MMP26: variants seen among roughly 807,000 people sequenced by gnomAD.
MMP26 encodes matrix metallopeptidase 26.
MMP26 carries 33 observed loss-of-function variants against 31.0 expected under a neutral mutation model. That is an observed-to-expected ratio of 1.06 (90% CI 0.81 to 1.42). The LOEUF (loss-of-function observed/expected upper bound fraction) is 1.42, where lower values mean the gene tolerates loss of function less well. Among genes scored for constraint, MMP26 ranks in the 40% most tolerant of loss-of-function variants. The pLI is 0.00. For missense variants in MMP26, 347 were observed against 316.1 expected (o/e 1.10, Z -0.74); for synonymous variants, 122 against 114.9 (o/e 1.06, Z -0.40).
intron 2 of MMP26, among the ~76,000 whole-genome samples, chr11:4,910,943 C>T (rs749168269): frequency 8.5e-5 from 13 of 152,136 alleles, no homozygotes; most frequent in South Asian, 2.1e-4. Flanking sequence ...ATAATCACAC[C>T]TTCAGGCAGT....
chr11:4,966,729 T>C (rs1264638043), intron 2 of MMP26, among the ~76,000 whole-genome samples: 1 of 152,226 alleles, frequency 6.6e-6, no homozygotes, highest in African/African-American at 2.4e-5. Flanking sequence ...TCTGTTACGA[T>C]GTTAGTCCAT....
At chr11:4,723,557 G>A (rs921958038) in intron 1 of MMP26, 9 of 1,185,448 alleles carry the variant, frequency 7.6e-6, no homozygotes, top group Non-Finnish European at 8.8e-6. Flanking sequence ...AGAGACTCCA[G>A]CTCTACCTTG....
intron 2 of MMP26, among the ~76,000 whole-genome samples, chr11:4,778,368 A>G (rs983046439): frequency 2.0e-5 from 3 of 151,952 alleles, no homozygotes; most frequent in Non-Finnish European, 4.4e-5. Context: ...TATCCAATAG[A>G]TCTGGTATTC....
intron 1 of MMP26, chr11:4,724,138 A>G (rs1434298503): frequency 5.0e-6 from 3 of 598,032 alleles, no homozygotes; most frequent in South Asian, 1.9e-5. Flanking sequence ...AGAGGTGGAC[A>G]CCTCGTAGGA....
rs138275262 is a variant in MMP26 at position 4,760,467 on chromosome 11, G to T, written c.-216-6803G>T. On this transcript the variant is annotated intron_variant, in intron 1 of 7. Coordinates refer to ENST00000380390, the MANE Select transcript of MMP26 (RefSeq NM_021801.5). Reference sequence around the variant, plus strand: ...ACCAGCCTTAATATTTGAGGCTTTGGCTGAAATATGAGCCAGGTGGAAGGT... The same window carrying T: ...ACCAGCCTTAATATTTGAGGCTTTGTCTGAAATATGAGCCAGGTGGAAGGT... Among the ~76,000 whole-genome samples, 3 of 152,336 alleles carry T rather than the reference G, an allele frequency of 2.0e-5. No individual in the cohort carries two copies. The East Asian group carries it at 5.8e-4, about 29-fold the overall frequency.
chr11:4,804,684 C>T (rs1849240401), intron 2 of MMP26: 1 of 441,142 alleles, frequency 2.3e-6, no homozygotes, highest in African/African-American at 2.0e-5. Flanking sequence ...GTGGCTTACA[C>T]CTATAATCCT....
intron 2 of MMP26, among the ~76,000 whole-genome samples, chr11:4,869,545 G>A (rs143612126): frequency 0.15 from 23,509 of 152,042 alleles, 2,208 homozygotes; most frequent in South Asian, 0.32. Context: ...TTAGAATGGC[G>A]ATCATGAAAA....
rs537757924 is a variant in MMP26, at chr11:4,979,015, A to G, written c.-144-9053A>G. 7.9e-5 allele frequency among the ~76,000 whole-genome samples: 12 copies of G among 152,228 alleles called. No homozygotes were observed. In the Middle Eastern group the frequency reaches 0.017, roughly 216 times the overall value. ...GGTTAGAAAATGAAATTATATAGGA[A>G]AGAGTATATGACTTGTGAGTCCTGT... is the stretch of plus-strand genomic sequence containing the variant. On this transcript the variant is annotated intron_variant, in intron 2 of 7. Coordinates refer to ENST00000380390, the MANE Select transcript of MMP26 (RefSeq NM_021801.5).
intron 1 of MMP26, among the ~76,000 whole-genome samples, chr11:4,758,909 C>T (rs1051593251): frequency 2.6e-5 from 4 of 151,622 alleles, no homozygotes; most frequent in South Asian, 2.1e-4. Context: ...GTCACGAGTT[C>T]GAGACCAGCC....
intron 2 of MMP26, chr11:4,876,520 C>T (rs932803095): frequency 6.6e-6 from 1 of 152,074 alleles, no homozygotes; most frequent in Non-Finnish European, 1.5e-5. Flanking sequence ...ACTTAATGAG[C>T]TCTTCTCTAT....
chr11:4,827,814 G>T (rs1478172521), intron 2 of MMP26, among the ~76,000 whole-genome samples: 2 of 149,952 alleles, frequency 1.3e-5, no homozygotes, highest in Non-Finnish European at 3.0e-5. Context: ...CAAGATGAGA[G>T]TTCTAATTGT....
chr11:4,748,783 G>A (rs1848413018), intron 1 of MMP26, among the ~76,000 whole-genome samples: 3 of 151,834 alleles, frequency 2.0e-5, no homozygotes, highest in Non-Finnish European at 4.4e-5. Flanking sequence ...AGGCATAGAA[G>A]GAACATACCT....
At chr11:4,891,257 G>A (rs777060733) in intron 2 of MMP26, among the ~76,000 whole-genome samples, 79 of 152,224 alleles carry the variant, frequency 5.2e-4, no homozygotes, top group Middle Eastern at 3.4e-3. Context: ...CTGCCATCTG[G>A]TTGGGCTCTG....
chr11:4,986,956 T>TCTCTCTTTCC, intron 2 of MMP26, among the ~76,000 whole-genome samples: 1 of 140,364 alleles, frequency 7.1e-6, no homozygotes, highest in African/African-American at 2.8e-5. Context: ...TCTCTCTCTC[T>TCTCTCTTTCC]CTCCCTCTCT....
chr11:4,715,591 G>A (rs1484364519), intron 1 of MMP26, among the ~76,000 whole-genome samples: 4 of 152,160 alleles, frequency 2.6e-5, no homozygotes, highest in African/African-American at 7.2e-5. Context: ...GAAAAGCCCA[G>A]GTGGAGTATA....
At chr11:4,981,316 C>A (rs907713029) in intron 2 of MMP26, among the ~76,000 whole-genome samples, 1 of 151,968 alleles carries the variant, frequency 6.6e-6, no homozygotes, top group African/African-American at 2.4e-5. Flanking sequence ...ATGAGAACAT[C>A]GTAGAGTGTA....
intron 2 of MMP26, among the ~76,000 whole-genome samples, chr11:4,846,243 A>G (rs11034193): frequency 0.22 from 32,728 of 152,164 alleles, 4,581 homozygotes; most frequent in South Asian, 0.34. Flanking sequence ...AGATCCTATC[A>G]TTTGCAACAG....
At chr11:4,962,103 C>T (rs917874935) in intron 2 of MMP26, among the ~76,000 whole-genome samples, 1 of 152,102 alleles carries the variant, frequency 6.6e-6, no homozygotes, top group Non-Finnish European at 1.5e-5. Context: ...AATTAATCCT[C>T]AAATCCTTGG....
chr11:4,931,942 G>A lies in MMP26; in HGVS notation c.-144-56126G>A, dbSNP rs118147778. On this transcript the variant is annotated intron_variant, in intron 2 of 7. Transcript: ENST00000380390. ...AGGGAGACTAAAGAAGCTAGCACAC[G>A]TTCGGTTCTTTTCTACTCCTTATCA... Among the ~76,000 whole-genome samples, 642 of 152,122 alleles carry A rather than the reference G, an allele frequency of 4.2e-3. 2 individuals are homozygous for A. The highest frequency in any genetic ancestry group is 7.0e-3 in the Non-Finnish European group (473 of 67,992).
Sources: allele counts gnomAD v4.1 joint callset (sites outside exome capture counted in the v4.1 genomes callset), GRCh38; gene constraint gnomAD v4.1.1; transcripts MANE v1.5; gene names NCBI Gene and HGNC (gene_info 2026-07-23, HGNC 2026-07-21).